Variants in FCER1A observed in about 807,000 individuals in gnomAD.
FCER1A encodes the protein Fc epsilon receptor Ia, also known as high affinity immunoglobulin epsilon receptor subunit alpha.
Under a neutral mutation model 23.6 loss-of-function variants are expected in FCER1A, and 24 were observed. The observed-to-expected ratio is 1.02, with a 90% confidence interval of 0.74 to 1.43. FCER1A has a LOEUF of 1.43. Ranked by LOEUF, FCER1A falls within the 40% of genes most tolerant of loss-of-function variation. FCER1A has a pLI of 0.00. For synonymous variants in FCER1A, 121 were observed against 108.8 expected (o/e 1.11, Z -0.70); for missense variants, 318 against 294.5 (o/e 1.08, Z -0.58).
intron 1 of FCER1A, among the ~76,000 whole-genome samples, chr1:159,291,113 T>C (rs981631202): frequency 3.9e-5 from 6 of 152,140 alleles, no homozygotes; most frequent in South Asian, 4.1e-4. Flanking sequence ...CTAACACAAA[T>C]CTTACTAGCA....
chr1:159,305,390 C>T (rs1652569872), intron 3 of FCER1A, among the ~76,000 whole-genome samples: 1 of 152,146 alleles, frequency 6.6e-6, no homozygotes. Flanking sequence ...CCTACCAACT[C>T]CTAAGTATTG....
rs995970532 is a variant in FCER1A at position 159,295,025 on chromosome 1, T to A, written c.-60+5272T>A. 2.6e-5 allele frequency among the ~76,000 whole-genome samples: 4 copies of A among 152,212 alleles called. No individual in the cohort carries two copies. The East Asian group carries it at 5.8e-4, about 22-fold the overall frequency. ...TATCTTTTTTCTCTTAAAGATAAAT[T>A]GGCATCATGAGATTATTGAAATATA... On this transcript the variant is annotated intron_variant, in intron 1 of 5. Transcript: ENST00000368115.
At chr1:159,303,038 C>T (rs1271184135) in intron 2 of FCER1A, among the ~76,000 whole-genome samples, 164 bp downstream of exon 2, 5 of 152,098 alleles carry the variant, frequency 3.3e-5, no homozygotes, top group African/African-American at 1.2e-4. Flanking sequence ...CTTTTTTTCC[C>T]TGATTCATTG....
At chr1:159,297,044 G>A (rs1320513927) in intron 1 of FCER1A, among the ~76,000 whole-genome samples, 2 of 152,050 alleles carry the variant, frequency 1.3e-5, no homozygotes, top group East Asian at 1.9e-4. Flanking sequence ...GTCTGTTAAC[G>A]GCCTAAAAGG....
upstream of FCER1A, chr1:159,302,306 C>T (rs866746836): frequency 8.4e-7 from 1 of 1,196,610 alleles, no homozygotes; most frequent in Non-Finnish European, 1.2e-6. Context: ...TGGTTTTAAG[C>T]CTATATTTGA....
Position 159,303,924 on chromosome 1 carries a change from G to T in FCER1A, c.77-4G>T, listed in dbSNP as rs1183946791. 1.9e-6 allele frequency: 3 copies of T among 1,605,414 alleles called. No homozygotes were observed. In the Admixed American group the frequency reaches 5.1e-5, roughly 27 times the overall value. ...TGTCTTTTCATATTTTTATCTTCTT[G>T]AAGTCCCTCAGAAACCTAAGGTCTC... On this transcript the variant is annotated splice_polypyrimidine_tract_variant and splice_region_variant and intron_variant, in intron 2 of 4. Transcript: ENST00000693622.
At chr1:159,302,110 T>A (rs1652446423), upstream of FCER1A, among the ~76,000 whole-genome samples, 1 of 152,176 alleles carries the variant, frequency 6.6e-6, no homozygotes, top group Non-Finnish European at 1.5e-5. Flanking sequence ...GTGCTAGACC[T>A]ATGCCTCTCT....
intron 1 of FCER1A, among the ~76,000 whole-genome samples, chr1:159,293,198 G>GTGTC (rs978988054): frequency 2.0e-5 from 3 of 151,268 alleles, no homozygotes; most frequent in African/African-American, 7.3e-5. Flanking sequence ...GTGTGTGTGT[G>GTGTC]TGTATGTGCA....
upstream of FCER1A, among the ~76,000 whole-genome samples, chr1:159,285,432 T>C (rs938740974): frequency 3.3e-5 from 5 of 152,116 alleles, no homozygotes; most frequent in Non-Finnish European, 7.4e-5. Flanking sequence ...AAAGGCTTAA[T>C]TAGATTCAGG....
intron 1 of FCER1A, among the ~76,000 whole-genome samples, chr1:159,294,939 C>T (rs1181310408): frequency 6.6e-6 from 1 of 152,136 alleles, no homozygotes; most frequent in East Asian, 1.9e-4. Context: ...AGCCAAAATT[C>T]TACCAGCAAA....
chr1:159,304,035 A>G lies in FCER1A; in HGVS notation c.184A>G (p.Thr62Ala), dbSNP rs145202898. Residue 62 changes from threonine (T) to alanine (A), a missense_variant, in exon 3 of 5, where the codon ACC (threonine) becomes GCC (alanine). Coordinates refer to ENST00000693622, the MANE Select transcript of FCER1A (RefSeq NM_001387280.1). ...NGNNFFEVSS[T>A]KWFHNGSLSE... Reference sequence around the variant, plus strand: ...GAACAATTTCTTTGAAGTCAGTTCCACCAAATGGTTCCACAATGGCAGCCT... The same window carrying G: ...GAACAATTTCTTTGAAGTCAGTTCCGCCAAATGGTTCCACAATGGCAGCCT... The G allele has an allele frequency of 8.7e-6, 14 of 1,614,020 alleles. No individual in the cohort carries two copies. In the African/African-American group the frequency reaches 1.6e-4, roughly 18 times the overall value.
upstream of FCER1A, among the ~76,000 whole-genome samples, chr1:159,301,867 C>T (rs563134356): frequency 3.9e-5 from 6 of 152,280 alleles, no homozygotes; most frequent in African/African-American, 1.2e-4. Flanking sequence ...CTTAACCTCA[C>T]TAAGATTCAG....
At chr1:159,292,552 AT>A (rs2102217157) in intron 1 of FCER1A, among the ~76,000 whole-genome samples, 1 of 152,188 alleles carries the variant, frequency 6.6e-6, no homozygotes, top group East Asian at 1.9e-4. Context: ...CTATCATCAT[AT>A]TTTGACTCTT....
intron 1 of FCER1A, among the ~76,000 whole-genome samples, chr1:159,293,346 C>T (rs887262088): frequency 6.6e-5 from 10 of 151,948 alleles, no homozygotes; most frequent in Admixed American, 3.9e-4. Context: ...TGGCCTTCTA[C>T]TCGCTATGCT....
chr1:159,286,343 T>C (rs1011376302), upstream of FCER1A, among the ~76,000 whole-genome samples: 3 of 152,098 alleles, frequency 2.0e-5, no homozygotes, highest in African/African-American at 7.2e-5. Context: ...CTAAATCATT[T>C]TTTTTTTGAG....
intron 1 of FCER1A, among the ~76,000 whole-genome samples, chr1:159,293,816 C>T (rs1557966976): frequency 2.0e-5 from 3 of 151,858 alleles, no homozygotes; most frequent in Non-Finnish European, 4.4e-5. Context: ...GCAACCTACT[C>T]ATCTGACAAA....
intron 2 of FCER1A, 69 bp downstream of exon 2, chr1:159,302,943 CT>C: frequency 2.8e-6 from 4 of 1,421,000 alleles, no homozygotes; most frequent in Non-Finnish European, 4.0e-6. Context: ...TCACTATTTT[CT>C]TCGTCCCATC....
At chr1:159,289,291 A>G (rs1055539730), upstream of FCER1A, among the ~76,000 whole-genome samples, 4 of 152,220 alleles carry the variant, frequency 2.6e-5, no homozygotes, top group African/African-American at 9.6e-5. Context: ...ACTAGCCAGT[A>G]GCAGTCACTG....
upstream of FCER1A, among the ~76,000 whole-genome samples, chr1:159,300,371 A>G (rs1160130142): frequency 6.6e-6 from 1 of 152,060 alleles, no homozygotes; most frequent in Non-Finnish European, 1.5e-5. Flanking sequence ...AGGAACCCAA[A>G]TTTCCCCTGG....
Sources: gnomAD v4.1 joint callset for allele counts (sites outside exome capture counted in the v4.1 genomes callset) on GRCh38, gnomAD v4.1.1 for gene constraint, MANE v1.5 for transcripts, NCBI Gene and HGNC (gene_info 2026-07-23, HGNC 2026-07-21) for gene names.